The following GSDMD variants were observed in gnomAD, a reference collection of about 807,000 sequenced individuals.
The protein encoded by GSDMD is gasdermin D.
GSDMD carries 46 observed loss-of-function variants against 46.7 expected under a neutral mutation model. The ratio of observed to expected loss-of-function variants is 0.99; its 90% CI spans 0.78 to 1.26. GSDMD has a LOEUF of 1.26. Ranked by LOEUF, GSDMD falls within the 50% of genes most tolerant of loss-of-function variation. The probability of loss-of-function intolerance (pLI) is 0.00; values close to 1 mark genes in which losing one functional copy is unlikely to be tolerated. For missense variants in GSDMD, 649 were observed against 638.8 expected (o/e 1.02, Z -0.17); for synonymous variants, 307 against 283.1 (o/e 1.08, Z -0.85).
intron 1 of GSDMD, 87 bp downstream of exon 1, chr8:143,558,538 C>T (rs1299112162): frequency 3.2e-6 from 4 of 1,259,818 alleles, no homozygotes; most frequent in Non-Finnish European, 3.1e-6. Flanking sequence ...GATGCTGGCC[C>T]TGCTGCCCCA....
intron 4 of GSDMD, 55 bp from the exon 5 acceptor site, chr8:143,560,947 C>A: frequency 6.4e-7 from 1 of 1,563,792 alleles, no homozygotes. Flanking sequence ...GGCCCGCACC[C>A]GCACCCCACG....
At chr8:143,558,938 T>G in intron 1 of GSDMD, 1 of 544,394 alleles carries the variant, frequency 1.8e-6, no homozygotes, top group Non-Finnish European at 3.5e-6. Context: ...CTGGCTGGGT[T>G]TTGCAGTGGG....
upstream of GSDMD, among the ~76,000 whole-genome samples, chr8:143,554,665 C>T (rs916798199): frequency 1.1e-4 from 17 of 151,832 alleles, no homozygotes; most frequent in South Asian, 2.1e-4. Context: ...TGCATACACA[C>T]GTGCACAAAC....
Position 143,562,077 on chromosome 8 carries a change from G to C in GSDMD, c.942G>C (p.Glu314Asp), listed in dbSNP as rs1301769317. 1 of 1,596,122 alleles carries C rather than the reference G, an allele frequency of 6.3e-7. No individual in the cohort carries two copies. ...GAGAGCTGTGCCAGCTGCTGCTGGAGGGCCTGGAGGGGGTGCTGCGGGACC... is the reference window on the plus strand; with the variant it reads ...GAGAGCTGTGCCAGCTGCTGCTGGACGGCCTGGAGGGGGTGCTGCGGGACC... ...LDRELCQLLL[E>D]GLEGVLRDQL... Residue 314 changes from glutamate to aspartate, a missense_variant, in exon 8 of 11, where the codon GAG (glutamate) becomes GAC (aspartate). Physicochemically the swap from Glu to Asp is conservative, Grantham distance 45. Coordinates refer to ENST00000262580, the MANE Select transcript of GSDMD (RefSeq NM_024736.7).
chr8:143,558,863 G>A (rs749331711), intron 1 of GSDMD: 3 of 512,564 alleles, frequency 5.9e-6, no homozygotes, highest in South Asian at 1.6e-5. Context: ...GCCTTGGACA[G>A]GTGGCTCATG....
intron 1 of GSDMD, 51 bp from the exon 2 acceptor site, chr8:143,559,281 C>CCCCA: frequency 7.3e-6 from 3 of 410,994 alleles, no homozygotes; most frequent in Non-Finnish European, 1.5e-5. Flanking sequence ...TTCTCCCACT[C>CCCCA]CCTCCCGCCC....
At chr8:143,554,356 C>G (rs544968526), upstream of GSDMD, among the ~76,000 whole-genome samples, 46 of 152,398 alleles carry the variant, frequency 3.0e-4, no homozygotes, top group East Asian at 8.9e-3. Flanking sequence ...CCCGTGGACA[C>G]AACACGCACG....
intron 3 of GSDMD, chr8:143,560,293 C>T (rs1231027234): frequency 3.1e-5 from 21 of 687,986 alleles, no homozygotes; most frequent in African/African-American, 3.5e-5. Context: ...CTGGGGCCTC[C>T]GCTGCCAGGA....
upstream of GSDMD, chr8:143,555,259 C>G (rs1439803793): frequency 6.6e-6 from 1 of 152,330 alleles, no homozygotes; most frequent in Non-Finnish European, 1.5e-5. Context: ...GAGGCTCAGG[C>G]CAGGTCAGCC....
At chr8:143,558,307 G>T, upstream of GSDMD, 1 of 1,517,100 alleles carries the variant, frequency 6.6e-7, no homozygotes, top group Non-Finnish European at 8.8e-7. Context: ...CTCCGGGACG[G>T]TTCCGGGAGG....
upstream of GSDMD, chr8:143,555,057 A>C (rs542422254): frequency 2.0e-5 from 3 of 152,288 alleles, no homozygotes; most frequent in Non-Finnish European, 4.4e-5. Flanking sequence ...CTGAATTTCC[A>C]GTTATTTGTG....
intron 9 of GSDMD, 23 bp downstream of exon 9, chr8:143,562,373 T>C (rs1169209245): frequency 3.2e-6 from 1 of 308,320 alleles, no homozygotes; most frequent in South Asian, 2.3e-5. Flanking sequence ...TGGGGGCAGG[T>C]GGCGGGTGGG....
At chr8:143,558,947 G>T (rs533561372) in intron 1 of GSDMD, 79 of 553,130 alleles carry the variant, frequency 1.4e-4, no homozygotes, top group Admixed American at 1.1e-3. Flanking sequence ...TTTTGCAGTG[G>T]GTCCCTGGTG....
chr8:143,554,765 A>G (rs561848063), upstream of GSDMD, among the ~76,000 whole-genome samples: 1 of 151,568 alleles, frequency 6.6e-6, no homozygotes, highest in African/African-American at 2.4e-5. Context: ...CACGCGCACA[A>G]CAGCCACACA....
At chr8:143,559,234 G>T in intron 1 of GSDMD, 98 bp from the exon 2 acceptor site, 1 of 761,328 alleles carries the variant, frequency 1.3e-6, no homozygotes. Context: ...TGGAGGGAAG[G>T]AGTCCCCCAT....
At chr8:143,556,572 C>A (rs1352617866), upstream of GSDMD, among the ~76,000 whole-genome samples, 1 of 152,210 alleles carries the variant, frequency 6.6e-6, no homozygotes, top group East Asian at 1.9e-4. Context: ...ACAAAAAATA[C>A]ACAAAACAGC....
chr8:143,557,404 AGCTGCTGCCGCTGTGGCGAAG>A (rs1311283484), upstream of GSDMD, among the ~76,000 whole-genome samples: 27 of 98,642 alleles, frequency 2.7e-4, no homozygotes, highest in South Asian at 1.2e-3. Flanking sequence ...CTGTGACGAC[AGCTGCTGCCGCTGTGGCGAAG>A]GATGCTGCCG....
chr8:143,554,361 C>T (rs1261733593), upstream of GSDMD, among the ~76,000 whole-genome samples: 3 of 152,264 alleles, frequency 2.0e-5, no homozygotes, highest in East Asian at 3.8e-4. Context: ...GGACACAACA[C>T]GCACGTGCAT....
Position 143,562,771 on chromosome 8 carries a change from T to C in GSDMD, c.1322T>C (p.Leu441Ser). The C allele has an allele frequency of 1.3e-6, 2 of 1,591,040 alleles. No individual in the cohort carries two copies. Among genetic ancestry groups the C allele is most frequent in the African/African-American group, 2.7e-5 (2 of 74,398 alleles). Reference protein sequence around the residue: ...SWGEGAPAWVLLDECGLELGE... With the variant: ...SWGEGAPAWVSLDECGLELGE... ...GGCGAAGGAGCACCGGCCTGGGTCT[T>C]GCTGGACGAGTGTGGCCTAGAGCTG... is the stretch of plus-strand genomic sequence containing the variant. Residue 441 changes from leucine (L) to serine (S), a missense_variant, in exon 11 of 11, where the codon TTG becomes TCG. Coordinates refer to ENST00000262580, the MANE Select transcript of GSDMD (RefSeq NM_024736.7).
Sources: allele counts gnomAD v4.1 joint callset (sites outside exome capture counted in the v4.1 genomes callset), GRCh38; gene constraint gnomAD v4.1.1; transcripts MANE v1.5; gene names NCBI Gene and HGNC (gene_info 2026-07-23, HGNC 2026-07-21).